The following ARAF variants were observed in gnomAD, a reference collection of about 807,000 sequenced individuals.
ARAF encodes serine/threonine-protein kinase A-Raf.
ARAF carries 18 observed loss-of-function variants against 48.0 expected under a neutral mutation model. That is an observed-to-expected ratio of 0.37 (90% CI 0.26 to 0.56). The LOEUF (loss-of-function observed/expected upper bound fraction) is 0.56, where lower values mean the gene tolerates loss of function less well. Ranked by LOEUF, ARAF falls within the 20% of genes least tolerant of loss-of-function variation. ARAF has a pLI of 0.77. For missense variants in ARAF, 389 were observed against 543.1 expected (o/e 0.72, Z 2.82); for synonymous variants, 207 against 220.1 (o/e 0.94, Z 0.53).
At position 47,570,780 on chromosome X, in the gene ARAF, G is replaced by A. The variant is rs143463830; in HGVS notation, c.1552-98G>A. On this transcript the variant is annotated intron_variant, in intron 14 of 15. Transcript: ENST00000377045. ...CTTGATACTGACAGTACCCCAGCTC[G>A]CTAAAAATGAACCTTCCAAGTCCCT... 2,019 of 895,596 alleles carry A rather than the reference G, an allele frequency of 2.3e-3. 24 individuals carry two copies. The African/African-American group carries it at 0.032, about 14-fold the overall frequency. The allele number at this position is 895,596 out of a possible 1,213,427, so 73.8% of individuals were successfully genotyped here.
chrX:47,565,011 G>T lies in ARAF; in HGVS notation c.330G>T (p.Ala110=). Residue 110 remains alanine, a synonymous_variant, in exon 5 of 16, where the codon GCG becomes GCT. Coordinates refer to ENST00000377045, the MANE Select transcript of ARAF (RefSeq NM_001654.5). ...TACGGAAGACCTTCTTCAGCCTGGC[G>T]TTCTGTGACTTCTGCCTTAAGTTTC... ...NFVRKTFFSL[A]FCDFCLKFLF... is the part of the protein sequence containing the mutation. 4 of 1,211,964 alleles carry T rather than the reference G, an allele frequency of 3.3e-6. No individual in the cohort carries two copies. Among genetic ancestry groups the T allele is most frequent in the Non-Finnish European group, 4.5e-6 (4 of 895,563 alleles).
At chrX:47,562,012 T>A (rs1569318603) in intron 1 of ARAF, among the ~76,000 whole-genome samples, 1 of 95,291 alleles carries the variant, frequency 1.0e-5, no homozygotes, top group Non-Finnish European at 2.1e-5. Flanking sequence ...GCTTGGGACT[T>A]CCATTAGCCA....
At position 47,562,985 on chromosome X, in the gene ARAF, C is replaced by T. The variant is rs62636602; in HGVS notation, c.18C>T (p.Gly6=). Residue 6 remains glycine, a synonymous_variant, in exon 2 of 16, where the codon GGC becomes GGT. Coordinates refer to ENST00000377045, the MANE Select transcript of ARAF (RefSeq NM_001654.5). ...AAGGCTCCATGGAGCCACCACGGGGCCCCCCTGCCAATGGGGCCGAGCCAT... is the reference window on the plus strand; with the variant it reads ...AAGGCTCCATGGAGCCACCACGGGGTCCCCCTGCCAATGGGGCCGAGCCAT... The part of the protein sequence containing the change: MEPPR[G]PPANGAEPSR... 1 of 1,182,103 alleles carries T rather than the reference C, an allele frequency of 8.5e-7. No homozygotes were observed. Among genetic ancestry groups the T allele is most frequent in the South Asian group, 1.9e-5 (1 of 53,370 alleles).
At chrX:47,565,993 T>C (rs1013480248) in intron 6 of ARAF, 10 of 128,144 alleles carry the variant, frequency 7.8e-5, no homozygotes, top group Admixed American at 7.7e-4. Context: ...TGTATGTGCA[T>C]TAATTACCTT....
chrX:47,561,256 G>C lies in ARAF; in HGVS notation c.-60+5G>C. 8.9e-6 allele frequency: 1 copy of C among 112,417 alleles called. No homozygotes were observed. The allele number at this position is 112,417 out of a possible 1,213,427, so 9.3% of individuals were successfully genotyped here. A position where few individuals can be genotyped will look rare whatever the true frequency, so the allele number is the denominator to read the frequency against. On this transcript the variant is annotated splice_donor_5th_base_variant and intron_variant, in intron 1 of 15. Coordinates refer to ENST00000377045, the MANE Select transcript of ARAF (RefSeq NM_001654.5). ...GCGGCTGTAGCGGCGTGACAGGTGA[G>C]GGCGGGCCCGGGAGGGCTCGGTTTC... is the stretch of plus-strand genomic sequence containing the variant.
At chrX:47,569,684 G>A (rs1253551937) in intron 13 of ARAF, 27 bp downstream of exon 13, 2 of 1,182,092 alleles carry the variant, frequency 1.7e-6, no homozygotes, top group Non-Finnish European at 2.3e-6. Context: ...TGGATGGGGG[G>A]CACATGGGGA....
In ARAF at chrX:47,568,883, C is replaced by T. The variant is rs776540006; in HGVS notation, c.1242C>T (p.Ala414=). 1 of 1,209,877 alleles carries T rather than the reference C, an allele frequency of 8.3e-7. No individual in the cohort carries two copies. The highest frequency in any genetic ancestry group is 1.1e-6 in the Non-Finnish European group (1 of 894,697). The change falls in exon 11 of 16, where the codon GCC becomes GCT. Residue 414 remains alanine, a synonymous_variant. Coordinates refer to ENST00000377045, the MANE Select transcript of ARAF (RefSeq NM_001654.5). ...TCATCGACGTGGCCCGGCAGACTGC[C>T]CAGGGCATGGAGTGAGCCTCCCAGC... ...VQLIDVARQT[A]QGMDYLHAKN...
At position 47,571,591 on chromosome X, in the gene ARAF, G is replaced by T. The variant is rs887287198; in HGVS notation, c.*134G>T. 1 of 925,630 alleles carries T rather than the reference G, an allele frequency of 1.1e-6. No individual in the cohort carries two copies. The highest frequency in any genetic ancestry group is 1.4e-6 in the Non-Finnish European group (1 of 699,785). The allele number at this position is 925,630 out of a possible 1,213,427, so 76.3% of individuals were successfully genotyped here. On this transcript the variant is annotated 3_prime_UTR_variant, in exon 16 of 16. Transcript: ENST00000377045. ...ATTCCCCACCCTGGGAGATGAGGGG[G>T]TCCCCATGTGCTTTTCCAGTTCTTC...
Position 47,567,326 on chromosome X carries a change from G to C in ARAF, c.970G>C (p.Val324Leu). 8.3e-7 allele frequency: 1 copy of C among 1,211,262 alleles called. No individual in the cohort carries two copies. The highest frequency in any genetic ancestry group is 1.1e-6 in the Non-Finnish European group (1 of 895,336). ...GATCGGGACGGGCTCGTTTGGCACC[G>C]TGTTTCGAGGGCGGTGGCATGGCGA... ...KRIGTGSFGT[V>L]FRGRWHGDVA... is the part of the protein sequence containing the mutation. The change falls in exon 10 of 16, where the codon GTG becomes CTG. Residue 324 changes from valine (V) to leucine (L), a missense_variant. Val to Leu is a conservative substitution (Grantham distance 32, BLOSUM62 1). This residue lies in a region of ARAF where 170 missense variants were observed against 281.4 expected (regional missense o/e 0.60). Coordinates refer to ENST00000377045, the MANE Select transcript of ARAF (RefSeq NM_001654.5).
chrX:47,562,899 C>G lies in ARAF; in HGVS notation c.-59-10C>G. 1.2e-6 allele frequency: 1 copy of G among 853,992 alleles called. No individual in the cohort carries two copies. Among genetic ancestry groups the G allele is most frequent in the Non-Finnish European group, 1.6e-6 (1 of 614,547 alleles). 70.4% of individuals were successfully genotyped at this position (853,992 alleles called of 1,213,427 possible). On this transcript the variant is annotated splice_polypyrimidine_tract_variant and intron_variant, in intron 1 of 15. Transcript: ENST00000377045. ...ATTGGACCTCTGAATTCTTGTCTGC[C>G]TTCTTGTAGGAGCCCCATGGCACCT...
intron 3 of ARAF, 33 bp from the exon 4 acceptor site, chrX:47,564,764 C>G (rs763056037): frequency 5.3e-6 from 6 of 1,138,293 alleles, no homozygotes; most frequent in East Asian, 6.4e-5. Context: ...CCCTACCCAA[C>G]CTCCCACTCA....
At position 47,563,009 on chromosome X, in the gene ARAF, A is replaced by G. The variant is rs1231455467; in HGVS notation, c.42A>G (p.Pro14=). The G allele has an allele frequency of 6.7e-6, 8 of 1,195,939 alleles. No homozygotes were observed. Among genetic ancestry groups the G allele is most frequent in the Non-Finnish European group, 7.9e-6 (7 of 888,139 alleles). ...PRGPPANGAE[P]SRAVGTVKVY... ...GCCCCCCTGCCAATGGGGCCGAGCC[A>G]TCCCGGGCAGTGGGCACCGTCAAAG... Residue 14 remains proline, a synonymous_variant, in exon 2 of 16, where the codon CCA becomes CCG. Transcript: ENST00000377045.
Position 47,569,947 on chromosome X carries a change from G to A in ARAF, c.1474G>A (p.Val492Ile), listed in dbSNP as rs755229896. ...DPNPYSFQSD[V>I]YAYGVVLYEL... Reference sequence around the variant, plus strand: ...GAACCCCTACAGCTTCCAGTCAGACGTCTATGCCTACGGGGTTGTGCTCTA... The same window carrying A: ...GAACCCCTACAGCTTCCAGTCAGACATCTATGCCTACGGGGTTGTGCTCTA... Residue 492 changes from valine to isoleucine, a missense_variant, in exon 14 of 16, where the codon GTC (valine) becomes ATC (isoleucine). By Grantham distance (29) the Val-to-Ile change is conservative (BLOSUM62 3). This residue lies in a region of ARAF where 170 missense variants were observed against 281.4 expected (regional missense o/e 0.60). Coordinates refer to ENST00000377045, the MANE Select transcript of ARAF (RefSeq NM_001654.5). 12 of 1,203,615 alleles carry A rather than the reference G, an allele frequency of 1.0e-5. No individual in the cohort carries two copies. Among genetic ancestry groups the A allele is most frequent in the African/African-American group, 3.5e-5 (2 of 56,527 alleles).
intron 15 of ARAF, 95 bp from the exon 16 acceptor site, chrX:47,571,212 GGTGTGTGTGTGTGTGT>G (rs753017950): frequency 6.9e-6 from 4 of 577,796 alleles, no homozygotes; most frequent in Non-Finnish European, 6.9e-6. Context: ...GGGACTGTTG[GGTGTGTGTGTGTGTGT>G]GTGTGTGTGT....
In ARAF at chrX:47,566,770, A is replaced by G; in HGVS notation, c.689A>G (p.Asn230Ser). 6 of 1,209,489 alleles carry G rather than the reference A, an allele frequency of 5.0e-6. No individual in the cohort carries two copies. The South Asian group carries it at 5.3e-5, about 11-fold the overall frequency. ...MVSTTAPMDS[N>S]LIQLTGQSFS... ...AGCACCACGGCCCCCATGGACTCCA[A>G]CCTCATCCAGGTTGGTGCTGTGGGG... The change falls in exon 7 of 16, where the codon AAC becomes AGC. Residue 230 changes from asparagine to serine, a missense_variant. Transcript: ENST00000377045.
rs747676688 is a variant in ARAF at position 47,564,931 on chromosome X, A to G, written c.303+32A>G. 10 of 1,209,022 alleles carry G rather than the reference A, an allele frequency of 8.3e-6. No individual in the cohort carries two copies. In the East Asian group the frequency reaches 1.8e-4, roughly 21 times the overall value. The stretch of plus-strand genomic sequence containing the variant: ...GCAGGGTGGACGGTGGGGGTGGACC[A>G]TGGTTGGGGGTGTCCTTGACCAGGT... On this transcript the variant is annotated intron_variant, in intron 4 of 15. Coordinates refer to ENST00000377045, the MANE Select transcript of ARAF (RefSeq NM_001654.5).
intron 8 of ARAF, 23 bp from the exon 9 acceptor site, chrX:47,566,962 CT>C: frequency 8.3e-7 from 1 of 1,211,685 alleles, no homozygotes; most frequent in Non-Finnish European, 1.1e-6. Flanking sequence ...CTTACCTCCA[CT>C]CACATCCTCT....
Position 47,570,040 on chromosome X carries a change from T to G in ARAF, c.1551+16T>G, listed in dbSNP as rs370359565. 6 of 1,202,482 alleles carry G rather than the reference T, an allele frequency of 5.0e-6. No homozygotes were observed. Among genetic ancestry groups the G allele is most frequent in the Non-Finnish European group, 6.7e-6 (6 of 892,082 alleles). ...CCGTGACCAGGTGAGCCCCACACCT[T>G]ACCCACAGTTCCCTGGGCTGAGGGA... is the stretch of plus-strand genomic sequence containing the variant. On this transcript the variant is annotated intron_variant, in intron 14 of 15. Coordinates refer to ENST00000377045, the MANE Select transcript of ARAF (RefSeq NM_001654.5).
intron 6 of ARAF, 181 bp downstream of exon 6, chrX:47,565,531 T>C: frequency 1.4e-6 from 1 of 732,860 alleles, no homozygotes; most frequent in Admixed American, 4.1e-5. Flanking sequence ...GGGCCTCAGT[T>C]TTCTCATCTG....
Sources: gnomAD v4.1 joint callset for allele counts (sites outside exome capture counted in the v4.1 genomes callset) on GRCh38, gnomAD v4.1.1 for gene constraint, gnomAD v4.1.1 regional missense constraint, MANE v1.5 for transcripts, NCBI Gene and HGNC (gene_info 2026-07-23, HGNC 2026-07-21) for gene names.